The following DST variants were observed in gnomAD, a reference collection of about 807,000 sequenced individuals.
The protein encoded by DST is bullous pemphigoid antigen.
A neutral mutation model predicts 875.2 loss-of-function variants in DST; 253 were observed. That is an observed-to-expected ratio of 0.29 (90% confidence interval 0.26 to 0.32). The LOEUF (loss-of-function observed/expected upper bound fraction) is 0.32, where lower values mean the gene tolerates loss of function less well. Ranked by LOEUF, DST falls within the 10% of genes least tolerant of loss-of-function variation. The pLI is 1.00. For synonymous variants in DST, 3,124 were observed against 3,197.1 expected (o/e 0.98, Z 0.77); for missense variants, 8,287 against 9,111.6 (o/e 0.91, Z 3.68).
In DST at chr6:56,572,920, C is replaced by T. The variant is rs746788099; in HGVS notation, c.13381G>A (p.Ala4461Thr). ...AGAGTTTCTTTGTGTTTATGACTTG[C>T]TTCTGAAAACCGAGCAGACAAGTCT... ...MKDLSARFSE[A>T]SHKHKETLAK... is the part of the protein sequence containing the mutation. The change falls in exon 52 of 104, where the codon GCA (alanine) becomes ACA (threonine). Residue 4461 changes from alanine (A) to threonine (T), a missense_variant. Coordinates refer to ENST00000680361, the MANE Select transcript of DST (RefSeq NM_001374736.1). 5.0e-6 allele frequency: 8 copies of T among 1,613,316 alleles called. No individual in the cohort carries two copies. Among genetic ancestry groups the T allele is most frequent in the Non-Finnish European group, 4.2e-6 (5 of 1,179,678 alleles).
chr6:56,505,874 A>G (rs2096294619), intron 77 of DST, among the ~76,000 whole-genome samples: 1 of 152,166 alleles, frequency 6.6e-6, no homozygotes, highest in African/African-American at 2.4e-5. Context: ...AACTGAATGA[A>G]AACCCTTAAG....
At chr6:56,685,141 G>T (rs2099175591) in intron 9 of DST, among the ~76,000 whole-genome samples, 1 of 152,072 alleles carries the variant, frequency 6.6e-6, no homozygotes, top group Non-Finnish European at 1.5e-5. Context: ...ATTGGTTCCA[G>T]ACCTAAGTAA....
intron 4 of DST, 70 bp downstream of exon 4, chr6:56,851,327 C>G (rs1765120443): frequency 7.0e-7 from 1 of 1,436,598 alleles, no homozygotes; most frequent in Non-Finnish European, 9.6e-7. Flanking sequence ...CTATGGCCCC[C>G]CAGGAGGTAG....
intron 17 of DST, among the ~76,000 whole-genome samples, chr6:56,640,873 T>C (rs1261024695): frequency 1.6e-4 from 25 of 152,294 alleles, no homozygotes; most frequent in Non-Finnish European, 1.5e-5. Context: ...AGGAGGCAAT[T>C]GAAATCACAT....
intron 5 of DST, among the ~76,000 whole-genome samples, chr6:56,726,832 A>ATTCCTTAGTAC (rs1367949745): frequency 6.6e-6 from 1 of 152,190 alleles, no homozygotes; most frequent in Non-Finnish European, 1.5e-5. Flanking sequence ...TACACATCAA[A>ATTCCTTAGTAC]TTCCTTAGTA....
rs757415475 is a variant in DST at position 56,557,300 on chromosome 6, G to T, written c.14640+19C>A. On this transcript the variant is annotated intron_variant, in intron 59 of 103. Transcript: ENST00000680361. ...TCAAATTGCTATGCACGAGAGACAG[G>T]TTATTAGGTAATACTCACCTGCACC... 1.2e-6 allele frequency: 2 copies of T among 1,604,062 alleles called. No homozygotes were observed. The highest frequency in any genetic ancestry group is 1.7e-5 in the Admixed American group (1 of 57,410).
At position 56,503,630 on chromosome 6, in the gene DST, C is replaced by CT. The variant is rs2096217262; in HGVS notation, c.19566+366_19566+367insA. Among the ~76,000 whole-genome samples the CT allele has an allele frequency of 2.6e-5, 4 of 151,316 alleles. No individual in the cohort carries two copies. The Admixed American group carries it at 2.6e-4, about 10-fold the overall frequency. ...ACACACACACACACACACACACACC[C>CT]CATGTCCCTAACATGAAGATATCAG... On this transcript the variant is annotated intron_variant, in intron 78 of 103. Transcript: ENST00000680361.
intron 3 of DST, among the ~76,000 whole-genome samples, chr6:56,883,570 G>A (rs558085719): frequency 5.9e-5 from 9 of 152,098 alleles, no homozygotes; most frequent in African/African-American, 1.7e-4. Flanking sequence ...CTTACTCTAC[G>A]GAAAACAAAA....
Position 56,608,691 on chromosome 6 carries a change from G to T in DST, c.5937C>A (p.Asp1979Glu). 6.2e-7 allele frequency: 1 copy of T among 1,612,762 alleles called. No individual in the cohort carries two copies. The change falls in exon 40 of 104, where the codon GAC becomes GAA. Residue 1979 changes from aspartate to glutamate, a missense_variant. By Grantham distance (45) the Asp-to-Glu change is conservative. Around this residue, in one of 10 missense-constraint regions of DST, gnomAD observed 3,138 missense variants for 3,116.6 expected, o/e 1.01. Coordinates refer to ENST00000680361, the MANE Select transcript of DST (RefSeq NM_001374736.1). ...ILRAAHEGLI[D>E]RETMFRLLSA... Reference sequence around the variant, plus strand: ...TTAACAACCTAAACATGGTTTCACGGTCTATGAGACCTTCATGAGCTGCTC... The same window carrying T: ...TTAACAACCTAAACATGGTTTCACGTTCTATGAGACCTTCATGAGCTGCTC...
At chr6:56,861,996 G>C (rs1316292622) in intron 3 of DST, 2 of 152,232 alleles carry the variant, frequency 1.3e-5, no homozygotes, top group Non-Finnish European at 2.9e-5. Flanking sequence ...GTGGGTAGCA[G>C]CTGTTTCTTA....
chr6:56,549,394 T>C (rs1485890308), intron 61 of DST, among the ~76,000 whole-genome samples: 2 of 152,206 alleles, frequency 1.3e-5, no homozygotes, highest in Admixed American at 6.6e-5. Context: ...TCAATACAAA[T>C]CATTCCATTT....
intron 4 of DST, among the ~76,000 whole-genome samples, chr6:56,780,253 G>A (rs1483043473): frequency 6.6e-6 from 1 of 151,894 alleles, no homozygotes; most frequent in South Asian, 2.1e-4. Flanking sequence ...AAATGGGATG[G>A]CTGGGTCAAA....
chr6:56,704,522 C>G (rs1200865214), intron 5 of DST, among the ~76,000 whole-genome samples, 153 bp from the exon 6 acceptor site: 1 of 152,094 alleles, frequency 6.6e-6, no homozygotes. Flanking sequence ...TACTTAAAAA[C>G]TAAATTTAAT....
chr6:56,489,532 T>C lies in DST; in HGVS notation c.20835A>G (p.Ala6945=). The change falls in exon 86 of 104, where the codon GCA becomes GCG. Residue 6945 remains alanine, a synonymous_variant. Coordinates refer to ENST00000680361, the MANE Select transcript of DST (RefSeq NM_001374736.1). ...EKSLDSELEI[A]NDPDKIKTQL... The stretch of plus-strand genomic sequence containing the variant: ...GTGTTTTTATTTTGTCTGGATCATT[T>C]GCGATTTCCAGTTCAGAATCCAAAG... 1 of 1,613,090 alleles carries C rather than the reference T, an allele frequency of 6.2e-7. No individual in the cohort carries two copies. Among genetic ancestry groups the C allele is most frequent in the African/African-American group, 1.3e-5 (1 of 75,034 alleles).
rs577732714 is a variant in DST at position 56,620,091 on chromosome 6, T to C, written c.4929+4439A>G. On this transcript the variant is annotated intron_variant, in intron 36 of 103. Transcript: ENST00000680361. Reference sequence around the variant, plus strand: ...ATTTTTCTTCTTGCTTCCAATTCAATTTTCTGCTTTTCTTTCAACTGTTTC... The same window carrying C: ...ATTTTTCTTCTTGCTTCCAATTCAACTTTCTGCTTTTCTTTCAACTGTTTC... 5.0e-6 allele frequency: 8 copies of C among 1,613,716 alleles called. No homozygotes were observed. In the African/African-American group the frequency reaches 6.7e-5, roughly 13 times the overall value.
At chr6:56,717,622 C>A (rs2099399943) in intron 5 of DST, among the ~76,000 whole-genome samples, 1 of 152,156 alleles carries the variant, frequency 6.6e-6, no homozygotes, top group African/African-American at 2.4e-5. Context: ...GCTAATATGG[C>A]CTTTTGAGAT....
Position 56,616,863 on chromosome 6 carries a change from G to A in DST, c.4930-2379C>T, listed in dbSNP as rs774240712. On this transcript the variant is annotated intron_variant, in intron 36 of 103. Transcript: ENST00000680361. ...TCAAGAAGCCTAATTCTGAATTCGG[G>A]GTCAACAACTCCTTTAAGAACTGCA... 4 of 1,613,890 alleles carry A rather than the reference G, an allele frequency of 2.5e-6. No individual in the cohort carries two copies. Among genetic ancestry groups the A allele is most frequent in the Non-Finnish European group, 1.7e-6 (2 of 1,179,986 alleles).
At chr6:56,599,410 T>C (rs10484859) in intron 45 of DST, among the ~76,000 whole-genome samples, 4,823 of 152,222 alleles carry the variant, frequency 0.032, 233 homozygotes, top group African/African-American at 0.11. Flanking sequence ...ATCCTATTAA[T>C]TGAGCCATGA....
At position 56,606,817 on chromosome 6, in the gene DST, G is replaced by A. The variant is rs45442999; in HGVS notation, c.7811C>T (p.Thr2604Ile). ...AAAATCATCATCACTATCAGTGTCT[G>A]TTCCTGTGTTATTCTGCTGATCATT... is the stretch of plus-strand genomic sequence containing the variant. ...LLNDQQNNTG[T>I]DTDSDDDFYD... Residue 2604 changes from threonine (T) to isoleucine (I), a missense_variant, in exon 40 of 104, where the codon ACA becomes ATA. By Grantham distance (89) the Thr-to-Ile change is moderately conservative. This residue lies in a region of DST where 3,138 missense variants were observed against 3,116.6 expected (regional missense o/e 1.01). Transcript: ENST00000680361. 0.038 allele frequency: 61,816 copies of A among 1,613,094 alleles called. 1,486 individuals are homozygous for A. Among genetic ancestry groups the A allele is most frequent in the Non-Finnish European group, 0.046 (54,079 of 1,179,498 alleles).
Sources: gnomAD v4.1 joint callset for allele counts (sites outside exome capture counted in the v4.1 genomes callset) on GRCh38, gnomAD v4.1.1 for gene constraint, gnomAD v4.1.1 regional missense constraint, MANE v1.5 for transcripts, NCBI Gene and HGNC (gene_info 2026-07-23, HGNC 2026-07-21) for gene names.